EYA2: variants seen among roughly 807,000 people sequenced by gnomAD.
The protein encoded by EYA2 is EYA transcriptional coactivator and phosphatase 2.
In EYA2, 31 loss-of-function variants were observed where a neutral mutation model predicts 69.2. The observed-to-expected ratio is 0.45, with a 90% CI of 0.34 to 0.60. The LOEUF (loss-of-function observed/expected upper bound fraction) is 0.60. Among genes scored for constraint, EYA2 ranks in the 20% least tolerant of loss-of-function variants. The probability of loss-of-function intolerance (pLI) is 0.02; values close to 1 mark genes in which losing one functional copy is unlikely to be tolerated. For synonymous variants in EYA2, 257 were observed against 279.4 expected (o/e 0.92, Z 0.80); for missense variants, 622 against 701.2 (o/e 0.89, Z 1.28).
chr20:46,969,356 T>A (rs755355675), intron 1 of EYA2, among the ~76,000 whole-genome samples: 1 of 152,212 alleles, frequency 6.6e-6, no homozygotes, highest in Non-Finnish European at 1.5e-5. Flanking sequence ...GTGCTGGGAT[T>A]ACAGGCATGA....
At chr20:47,087,035 C>T (rs2031916355) in intron 7 of EYA2, among the ~76,000 whole-genome samples, 1 of 152,012 alleles carries the variant, frequency 6.6e-6, no homozygotes, top group South Asian at 2.1e-4. Flanking sequence ...ATTCTTTTTC[C>T]AGAGGAAAGT....
At chr20:47,161,285 C>G in intron 10 of EYA2, 1 of 536,822 alleles carries the variant, frequency 1.9e-6, no homozygotes, top group Non-Finnish European at 3.5e-6. Flanking sequence ...GATGGCGTGG[C>G]CACCTCCTTG....
intron 1 of EYA2, among the ~76,000 whole-genome samples, chr20:46,907,416 GC>G (rs1984413845): frequency 1.3e-5 from 2 of 152,248 alleles, no homozygotes; most frequent in South Asian, 4.1e-4. Context: ...TGAGGAAGCA[GC>G]AGCCTGTGGG....
chr20:47,012,894 T>C (rs1259127126), intron 4 of EYA2, among the ~76,000 whole-genome samples: 1 of 152,240 alleles, frequency 6.6e-6, no homozygotes, highest in Non-Finnish European at 1.5e-5. Context: ...GGATGTTTAC[T>C]TCTCAGTGTC....
At chr20:46,992,419 T>G (rs533627301) in intron 2 of EYA2, among the ~76,000 whole-genome samples, 19 of 152,208 alleles carry the variant, frequency 1.2e-4, no homozygotes, top group African/African-American at 3.4e-4. Context: ...TATTTCTCAT[T>G]TAATTATTAT....
At chr20:47,176,418 CT>C (rs1342164543) in intron 12 of EYA2, among the ~76,000 whole-genome samples, 5 of 152,098 alleles carry the variant, frequency 3.3e-5, no homozygotes, top group Non-Finnish European at 7.3e-5. Flanking sequence ...ATGATCACAC[CT>C]ATTGAAGAAA....
rs1419998465 is a variant in EYA2 at position 47,074,193 on chromosome 20, G to C, written c.519G>C (p.Gln173His). The change falls in exon 7 of 16, where the codon CAG becomes CAC. Residue 173 changes from glutamine to histidine, a missense_variant. Coordinates refer to ENST00000327619, the MANE Select transcript of EYA2 (RefSeq NM_005244.5). ...YPSYPGFPQSQYPQYYGSSYN... is the reference protein window; with the variant it reads ...YPSYPGFPQSHYPQYYGSSYN... ...CCTACCCCGGCTTCCCCCAGAGCCA[G>C]TACCCCCAGTATTACGGCTCATCCT... The C allele has an allele frequency of 6.2e-7, 1 of 1,613,290 alleles. No individual in the cohort carries two copies. The highest frequency in any genetic ancestry group is 1.7e-5 in the Admixed American group (1 of 59,950).
intron 13 of EYA2, 30 bp downstream of exon 13, chr20:47,179,942 C>A: frequency 6.5e-7 from 1 of 1,549,010 alleles, no homozygotes. Context: ...TTCCTCTGTG[C>A]CACTGAACTT....
intron 7 of EYA2, 66 bp from the exon 8 acceptor site, chr20:47,089,173 A>C (rs1052115331): frequency 6.3e-7 from 1 of 1,580,078 alleles, no homozygotes; most frequent in African/African-American, 1.3e-5. Context: ...TGCTGTTGGG[A>C]TATTTCCCAG....
chr20:47,050,778 C>T, intron 5 of EYA2, among the ~76,000 whole-genome samples: 1 of 152,208 alleles, frequency 6.6e-6, no homozygotes. Context: ...CAGAAGGGCC[C>T]TTATTCCTAA....
intron 9 of EYA2, among the ~76,000 whole-genome samples, chr20:47,135,083 C>T (rs1003520014): frequency 2.0e-4 from 29 of 146,430 alleles, no homozygotes; most frequent in Non-Finnish European, 4.0e-4. Flanking sequence ...GCCGAGATCA[C>T]GCCACTGTAC....
chr20:47,017,182 A>G (rs1210362808), intron 5 of EYA2, among the ~76,000 whole-genome samples: 1 of 152,072 alleles, frequency 6.6e-6, no homozygotes, highest in South Asian at 2.1e-4. Flanking sequence ...GCTGGAGTTG[A>G]TGCATGGAGC....
intron 9 of EYA2, among the ~76,000 whole-genome samples, chr20:47,099,132 G>A (rs561308665): frequency 6.6e-6 from 1 of 152,354 alleles, no homozygotes; most frequent in East Asian, 1.9e-4. Context: ...TCCCACCAGG[G>A]ACAGTGTTAA....
chr20:47,119,277 TAGG>T (rs778417827), intron 9 of EYA2, among the ~76,000 whole-genome samples: 3 of 152,152 alleles, frequency 2.0e-5, no homozygotes, highest in African/African-American at 7.2e-5. Flanking sequence ...GACAGGGAAA[TAGG>T]AGGTGTCCCC....
intron 9 of EYA2, among the ~76,000 whole-genome samples, chr20:47,138,118 A>T (rs1384414151): frequency 6.6e-6 from 1 of 151,926 alleles, no homozygotes; most frequent in African/African-American, 2.4e-5. Flanking sequence ...GTGCACATGT[A>T]CCCTAAAACT....
At chr20:47,019,492 T>A (rs1273456228) in intron 5 of EYA2, among the ~76,000 whole-genome samples, 1 of 151,976 alleles carries the variant, frequency 6.6e-6, no homozygotes, top group Non-Finnish European at 1.5e-5. Flanking sequence ...TTTTTCTGAG[T>A]TGTTCCAGAG....
intron 5 of EYA2, among the ~76,000 whole-genome samples, chr20:47,039,031 C>T (rs1423596611): frequency 2.0e-5 from 3 of 152,088 alleles, no homozygotes; most frequent in African/African-American, 4.8e-5. Context: ...CTGGCTGAGC[C>T]GCAAGAGGCT....
chr20:46,945,476 C>T (rs926077405), intron 1 of EYA2, among the ~76,000 whole-genome samples: 2 of 152,206 alleles, frequency 1.3e-5, no homozygotes, highest in Non-Finnish European at 2.9e-5. Context: ...AATTTGCTGG[C>T]CGCCTATGGA....
chr20:46,964,764 A>G (rs1323213082), intron 1 of EYA2, among the ~76,000 whole-genome samples: 1 of 152,216 alleles, frequency 6.6e-6, no homozygotes, highest in Non-Finnish European at 1.5e-5. Flanking sequence ...CCAAGGTCAC[A>G]GCGATCATCA....
Sources: gnomAD v4.1 joint callset for allele counts (sites outside exome capture counted in the v4.1 genomes callset) on GRCh38, gnomAD v4.1.1 for gene constraint, MANE v1.5 for transcripts, NCBI Gene and HGNC (gene_info 2026-07-23, HGNC 2026-07-21) for gene names.